Variants in FRMD3 observed in about 807,000 individuals in gnomAD.
The protein encoded by FRMD3 is FERM domain containing 3.
In FRMD3, 33 loss-of-function variants were observed where a neutral mutation model predicts 70.2. That is an observed-to-expected ratio of 0.47 (90% CI 0.36 to 0.63). FRMD3 has a LOEUF of 0.63. FRMD3 is among the 20% of genes least tolerant of loss of function. The pLI is 0.00. For missense variants in FRMD3, 632 were observed against 711.4 expected (o/e 0.89, Z 1.27); for synonymous variants, 279 against 255.9 (o/e 1.09, Z -0.86).
Position 83,244,970 on chromosome 9 carries a change from ATG to A in FRMD3, c.*2946_*2947del, listed in dbSNP as rs530057588. 12 of 979,934 alleles carry A rather than the reference ATG, an allele frequency of 1.2e-5. No individual in the cohort carries two copies. In the East Asian group the frequency reaches 4.6e-4, roughly 37 times the overall value. 60.7% of individuals were successfully genotyped at this position (979,934 alleles called of 1,614,324 possible). ...TTGTGTGTGTATATGTATTTGCCAT[ATG>A]TGTGTGTGTATTATATATATTTATT... On this transcript the variant is annotated 3_prime_UTR_variant, in exon 14 of 14. Coordinates refer to ENST00000304195, the MANE Select transcript of FRMD3 (RefSeq NM_174938.6).
At chr9:83,564,309 T>C in the FRMD3 span, among the ~76,000 whole-genome samples, 6 of 152,226 alleles carry the variant, frequency 3.9e-5, no homozygotes, top group East Asian at 1.2e-3. Context: ...TCCTCTCCAA[T>C]TGTAGTCCAC....
At chr9:83,273,871 A>G (rs1833702341) in intron 13 of FRMD3, among the ~76,000 whole-genome samples, 1 of 152,174 alleles carries the variant, frequency 6.6e-6, no homozygotes, top group Admixed American at 6.5e-5. Flanking sequence ...GCTGGAGTTC[A>G]GTGGCCCATC....
the FRMD3 span, among the ~76,000 whole-genome samples, chr9:83,564,272 A>T: frequency 6.6e-6 from 1 of 152,142 alleles, no homozygotes; most frequent in Non-Finnish European, 1.5e-5. Flanking sequence ...ATACACCTCC[A>T]ACTATCTCCA....
chr9:83,422,422 C>T (rs532324071), intron 1 of FRMD3, among the ~76,000 whole-genome samples: 1 of 152,296 alleles, frequency 6.6e-6, no homozygotes, highest in African/African-American at 2.4e-5. Flanking sequence ...GCCTCTTGAT[C>T]AGCAGCAATA....
intron 1 of FRMD3, among the ~76,000 whole-genome samples, chr9:83,463,536 T>C (rs1396218080): frequency 6.6e-6 from 1 of 152,168 alleles, no homozygotes; most frequent in African/African-American, 2.4e-5. Context: ...AACAGTAGCA[T>C]AGGGGTAAAC....
At chr9:83,379,242 C>G (rs977676244) in intron 2 of FRMD3, among the ~76,000 whole-genome samples, 1 of 152,034 alleles carries the variant, frequency 6.6e-6, no homozygotes, top group East Asian at 1.9e-4. Flanking sequence ...ATAACTCCTG[C>G]TATTATTGGA....
intron 2 of FRMD3, among the ~76,000 whole-genome samples, chr9:83,380,100 G>A (rs1825310302): frequency 6.6e-6 from 1 of 152,122 alleles, no homozygotes; most frequent in Non-Finnish European, 1.5e-5. Flanking sequence ...ACTAAAAGCT[G>A]TCTTCCATGG....
chr9:83,284,562 T>C (rs10780586), intron 13 of FRMD3, among the ~76,000 whole-genome samples: 136,079 of 152,136 alleles, frequency 0.89, 61,396 homozygotes, highest in East Asian at 1. Context: ...GAGCTGAGAT[T>C]GTGCCACTGC....
chr9:83,534,491 G>C (rs761987409), intron 1 of FRMD3, among the ~76,000 whole-genome samples: 2 of 152,186 alleles, frequency 1.3e-5, no homozygotes, highest in East Asian at 3.8e-4. Flanking sequence ...AAGATCCTAG[G>C]GGGTGGGGAG....
At chr9:83,390,242 G>A (rs1260184820) in intron 1 of FRMD3, among the ~76,000 whole-genome samples, 1 of 152,236 alleles carries the variant, frequency 6.6e-6, no homozygotes, top group Admixed American at 6.5e-5. Flanking sequence ...GACAGGATTT[G>A]AGCCAGGCCA....
the FRMD3 span, among the ~76,000 whole-genome samples, chr9:83,570,259 A>C: frequency 6.6e-6 from 1 of 152,218 alleles, no homozygotes; most frequent in Admixed American, 6.5e-5. Flanking sequence ...AGAATACATA[A>C]GAAAAATAGT....
intron 2 of FRMD3, among the ~76,000 whole-genome samples, chr9:83,380,132 G>A (rs1324685113): frequency 6.6e-6 from 1 of 152,112 alleles, no homozygotes; most frequent in East Asian, 1.9e-4. Flanking sequence ...ATTTCCCTGG[G>A]TATTTATTCC....
the FRMD3 span, among the ~76,000 whole-genome samples, chr9:83,567,572 T>C: frequency 6.6e-6 from 1 of 152,220 alleles, no homozygotes; most frequent in African/African-American, 2.4e-5. Context: ...TAAAATGGTA[T>C]GCTTTTAACA....
intron 1 of FRMD3, among the ~76,000 whole-genome samples, chr9:83,446,375 C>T (rs1000924721): frequency 1.3e-5 from 2 of 152,118 alleles, no homozygotes; most frequent in Admixed American, 6.5e-5. Flanking sequence ...TGGCCGGGCG[C>T]GGTGGCTCAC....
At chr9:83,478,649 T>A (rs1828456929) in intron 1 of FRMD3, among the ~76,000 whole-genome samples, 1 of 152,084 alleles carries the variant, frequency 6.6e-6, no homozygotes, top group Non-Finnish European at 1.5e-5. Context: ...CACTTCAGGG[T>A]ATATGCCCAA....
chr9:83,487,314 C>A (rs1032269036), intron 1 of FRMD3, among the ~76,000 whole-genome samples: 10 of 152,164 alleles, frequency 6.6e-5, no homozygotes, highest in African/African-American at 2.4e-4. Flanking sequence ...TTCTCCTGTT[C>A]CTGAAAACCA....
At chr9:83,401,904 C>A (rs1045997753) in intron 1 of FRMD3, among the ~76,000 whole-genome samples, 1 of 152,134 alleles carries the variant, frequency 6.6e-6, no homozygotes, top group Non-Finnish European at 1.5e-5. Context: ...CACACTAGGG[C>A]TCAGTCCAAC....
At chr9:83,565,872 A>G in the FRMD3 span, among the ~76,000 whole-genome samples, 1 of 152,252 alleles carries the variant, frequency 6.6e-6, no homozygotes, top group African/African-American at 2.4e-5. Flanking sequence ...TTTGCATCAA[A>G]TAAGCCACTA....
chr9:83,316,099 C>T (rs1374001833), intron 6 of FRMD3, among the ~76,000 whole-genome samples: 3 of 150,910 alleles, frequency 2.0e-5, no homozygotes, highest in Non-Finnish European at 2.9e-5. Context: ...CATAAGGACT[C>T]GGTGAAGGAA....
Sources: allele counts gnomAD v4.1 joint callset (sites outside exome capture counted in the v4.1 genomes callset), GRCh38; gene constraint gnomAD v4.1.1; transcripts MANE v1.5; gene names NCBI Gene and HGNC (gene_info 2026-07-23, HGNC 2026-07-21).